CCDC7: variants seen among roughly 807,000 people sequenced by gnomAD.
CCDC7 encodes coiled-coil domain containing 7.
Under a neutral mutation model 196.9 loss-of-function variants are expected in CCDC7, and 183 were observed. The observed-to-expected ratio is 0.93, with a 90% CI of 0.82 to 1.05. The LOEUF is 1.05. Ranked by LOEUF, CCDC7 falls within the 50% of genes least tolerant of loss-of-function variation. The pLI is 0.00. For synonymous variants in CCDC7, 525 were observed against 484.6 expected, an observed-to-expected ratio of 1.08 and a Z score of -1.10; for missense variants, 1,540 against 1,482.2, an observed-to-expected ratio of 1.04 and a Z score of -0.64.
chr10:32,522,456 T>C (rs926896138), intron 11 of CCDC7, among the ~76,000 whole-genome samples: 31 of 152,128 alleles, frequency 2.0e-4, no homozygotes, highest in African/African-American at 7.2e-4. Flanking sequence ...CATTGATGTA[T>C]AGTTGCTCAT....
At position 32,578,651 on chromosome 10, in the gene CCDC7, G is replaced by C. The variant is rs141525247; in HGVS notation, c.1455-4383G>C. Among the ~76,000 whole-genome samples the C allele has an allele frequency of 2.6e-3, 388 of 152,024 alleles. 7 individuals are homozygous for C. Among genetic ancestry groups the C allele is most frequent in the Non-Finnish European group, 3.3e-3 (224 of 67,984 alleles). On this transcript the variant is annotated intron_variant, in intron 16 of 41. Transcript: ENST00000639629. ...ATCTGACAGGAGGTGGAGCTCAGGT[G>C]GTAATGCAAGCGATGGGAGAGTGGC...
At chr10:32,670,576 G>T (rs1449106701) in intron 21 of CCDC7, among the ~76,000 whole-genome samples, 1 of 125,272 alleles carries the variant, frequency 8.0e-6, no homozygotes, top group South Asian at 2.5e-4. Context: ...AGAGTGTGAT[G>T]TTCCCCTTCC....
chr10:32,846,002 A>G (rs766503277), intron 36 of CCDC7, 43 bp downstream of exon 37: 1 of 1,392,702 alleles, frequency 7.2e-7, no homozygotes, highest in Non-Finnish European at 1.0e-6. Flanking sequence ...AGGCTTATTT[A>G]TATTCCCTGA....
At chr10:32,704,485 A>C (rs2079348241) in intron 24 of CCDC7, among the ~76,000 whole-genome samples, 2 of 152,094 alleles carry the variant, frequency 1.3e-5, no homozygotes, top group Non-Finnish European at 2.9e-5. Flanking sequence ...CAGTCAGTCC[A>C]TTCTCAGATC....
In CCDC7 at chr10:32,563,477, G is replaced by A. The variant is rs2056169262; in HGVS notation, c.1135-2081G>A. Among the ~76,000 whole-genome samples the A allele has an allele frequency of 2.6e-5, 4 of 152,142 alleles. No individual in the cohort carries two copies. The South Asian group carries it at 8.3e-4, about 31-fold the overall frequency. ...ATATAGATCAATGGAACAGAACAGA[G>A]TCCTCAGAAATAATGCCACATATCT... is the stretch of plus-strand genomic sequence containing the variant. On this transcript the variant is annotated intron_variant, in intron 13 of 41. Coordinates refer to ENST00000639629, the Ensembl canonical transcript of CCDC7.
At chr10:32,536,204 A>G (rs2050464089) in intron 11 of CCDC7, among the ~76,000 whole-genome samples, 1 of 152,150 alleles carries the variant, frequency 6.6e-6, no homozygotes, top group African/African-American at 2.4e-5. Context: ...GGCAGGAAGC[A>G]GAGAGGGTGG....
At chr10:32,563,942 A>G (rs2056285793) in intron 13 of CCDC7, among the ~76,000 whole-genome samples, 1 of 152,198 alleles carries the variant, frequency 6.6e-6, no homozygotes, top group South Asian at 2.1e-4. Context: ...AAGAACTCCA[A>G]CAAATTTACA....
Position 32,859,739 on chromosome 10 carries a change from C to T in CCDC7, c.4111+5250C>T, listed in dbSNP as rs1044660251. 1.1e-4 allele frequency among the ~76,000 whole-genome samples: 16 copies of T among 152,130 alleles called. 3 individuals carry two copies. Among genetic ancestry groups the T allele is most frequent in the Admixed American group, 1.0e-3 (16 of 15,276 alleles). ...AAAATGATAAAGGGAATATCACCAC[C>T]GATCCCACAGAAATACAAACTACCA... On this transcript the variant is annotated intron_variant, in intron 41 of 41. Coordinates refer to ENST00000639629, the Ensembl canonical transcript of CCDC7.
At chr10:32,527,214 C>G (rs1294488138) in intron 11 of CCDC7, among the ~76,000 whole-genome samples, 2 of 152,058 alleles carry the variant, frequency 1.3e-5, no homozygotes, top group African/African-American at 4.8e-5. Context: ...ATTGTAAAGT[C>G]CCCCCACTGT....
intron 31 of CCDC7, among the ~76,000 whole-genome samples, chr10:32,822,183 T>C (rs1037915624): frequency 6.6e-6 from 1 of 152,158 alleles, no homozygotes; most frequent in African/African-American, 2.4e-5. Flanking sequence ...TGAAGCCCCC[T>C]AAAAAAGGTA....
chr10:32,772,920 G>GTTT (rs2079398012), intron 28 of CCDC7, among the ~76,000 whole-genome samples: 1 of 152,084 alleles, frequency 6.6e-6, no homozygotes, highest in Non-Finnish European at 1.5e-5. Flanking sequence ...TTCTTTCAAA[G>GTTT]GGTCCATAGA....
rs565357117 is a variant in CCDC7, at chr10:32,655,412, AGTT to A, written c.2015-8638_2015-8636del. 7.0e-4 allele frequency among the ~76,000 whole-genome samples: 106 copies of A among 152,168 alleles called. No individual in the cohort carries two copies. The Middle Eastern group carries it at 0.02, about 29-fold the overall frequency. On this transcript the variant is annotated intron_variant, in intron 20 of 41. Coordinates refer to ENST00000639629, the Ensembl canonical transcript of CCDC7. ...TGTTATCTTTTGCGTTTTTCATTAT[AGTT>A]GTTCTAATAGGTGTGAGGTGATATC... is the stretch of plus-strand genomic sequence containing the variant.
intron 41 of CCDC7, among the ~76,000 whole-genome samples, chr10:32,875,916 C>A (rs916848597): frequency 6.6e-6 from 1 of 151,842 alleles, no homozygotes; most frequent in East Asian, 1.9e-4. Flanking sequence ...TGCCAAAATA[C>A]AAAATTCCAG....
At chr10:32,762,593 A>G (rs556866973) in intron 28 of CCDC7, among the ~76,000 whole-genome samples, 70 of 151,782 alleles carry the variant, frequency 4.6e-4, no homozygotes, top group Non-Finnish European at 8.3e-4. Flanking sequence ...TGTATTACAA[A>G]GTGATTTTAA....
intron 28 of CCDC7, among the ~76,000 whole-genome samples, chr10:32,770,742 T>A (rs2134070185): frequency 6.6e-6 from 1 of 152,302 alleles, no homozygotes; most frequent in Non-Finnish European, 1.5e-5. Flanking sequence ...TGTTTTGCTA[T>A]CTTATGATGC....
In CCDC7 at chr10:32,828,479, G is replaced by GAAGAA. The variant is rs1565633928; in HGVS notation, c.3268+3875_3268+3876insAAGAA. Among the ~76,000 whole-genome samples the GAAGAA allele has an allele frequency of 5.5e-3, 338 of 61,378 alleles. 5 individuals are homozygous for GAAGAA. The highest frequency in any genetic ancestry group is 8.5e-3 in the Middle Eastern group (1 of 118). 40.3% of individuals were successfully genotyped at this position (61,378 alleles called of 152,430 possible). ...AAGAAGAAGAAGAGGAAGAGGAAGA[G>GAAGAA]GAAGAGGAAGAAGAAGAAGAAGAAG... is the stretch of plus-strand genomic sequence containing the variant. On this transcript the variant is annotated intron_variant, in intron 32 of 41. Coordinates refer to ENST00000639629, the Ensembl canonical transcript of CCDC7.
At chr10:32,860,821 G>T (rs1391728504) in intron 41 of CCDC7, among the ~76,000 whole-genome samples, 1 of 152,078 alleles carries the variant, frequency 6.6e-6, no homozygotes, top group Non-Finnish European at 1.5e-5. Flanking sequence ...TTGCTACAAA[G>T]AGAATCAAAT....
At position 32,473,928 on chromosome 10, in the gene CCDC7, C is replaced by T. The variant is rs776697851; in HGVS notation, c.740-39C>T. 1.8e-4 allele frequency: 276 copies of T among 1,557,194 alleles called. 4 individuals carry two copies. The South Asian group carries it at 1.9e-3, about 11-fold the overall frequency. On this transcript the variant is annotated intron_variant, in intron 7 of 41. Coordinates refer to ENST00000639629, the Ensembl canonical transcript of CCDC7. Reference sequence around the variant, plus strand: ...AAACTCAATTAGTATATATAATTGCCGTTTGAAGTTTATAGTGACAAATAC... The same window carrying T: ...AAACTCAATTAGTATATATAATTGCTGTTTGAAGTTTATAGTGACAAATAC...
chr10:32,628,012 G>T (rs1251497789), intron 18 of CCDC7, among the ~76,000 whole-genome samples: 1 of 151,766 alleles, frequency 6.6e-6, no homozygotes, highest in Non-Finnish European at 1.5e-5. Flanking sequence ...TGGTATTAGG[G>T]TAGTAGTGGT....
Sources: allele counts gnomAD v4.1 joint callset (sites outside exome capture counted in the v4.1 genomes callset), GRCh38; gene constraint gnomAD v4.1.1; transcripts MANE v1.5; gene names NCBI Gene and HGNC (gene_info 2026-07-23, HGNC 2026-07-21).